KALRN: variants seen among roughly 807,000 people sequenced by gnomAD.
KALRN encodes kalirin.
In KALRN, 70 loss-of-function variants were observed where a neutral mutation model predicts 353.7. The ratio of observed to expected loss-of-function variants is 0.20; its 90% CI spans 0.16 to 0.24. The LOEUF is 0.24. Among genes scored for constraint, KALRN ranks in the 10% least tolerant of loss-of-function variants. The probability of loss-of-function intolerance (pLI) is 1.00; values close to 1 mark genes in which losing one functional copy is unlikely to be tolerated. For missense variants in KALRN, 2,791 were observed against 3,756.7 expected (o/e 0.74, Z 6.72); for synonymous variants, 1,391 against 1,434.8 (o/e 0.97, Z 0.69).
intron 34 of KALRN, among the ~76,000 whole-genome samples, chr3:124,594,513 C>T (rs977900841): frequency 3.2e-4 from 49 of 152,184 alleles, no homozygotes; most frequent in African/African-American, 1.0e-3. Context: ...TGTGAGCCAC[C>T]GCGCCCAGCC....
At chr3:124,090,072 T>C (rs1284677478) in intron 1 of KALRN, among the ~76,000 whole-genome samples, 1 of 151,900 alleles carries the variant, frequency 6.6e-6, no homozygotes, top group African/African-American at 2.4e-5. Flanking sequence ...CTTTATAAGG[T>C]CCTGAAGGAG....
chr3:124,227,663 G>GTTTTTTTTTTT lies in KALRN; in HGVS notation c.74-295_74-285dup, dbSNP rs747087120. 7.2e-4 allele frequency among the ~76,000 whole-genome samples: 50 copies of GTTTTTTTTTTT among 69,258 alleles called. 9 individuals carry two copies. The highest frequency in any genetic ancestry group is 9.2e-4 in the African/African-American group (18 of 19,498). 45.4% of individuals were successfully genotyped at this position (69,258 alleles called of 152,430 possible). A position where few individuals can be genotyped will look rare whatever the true frequency, so the allele number is the denominator to read the frequency against. ...CAAGTTGCTCAATAGCAACAGGGCT[G>GTTTTTTTTTTT]TTTTTTTTTTTTTTTTTTTTTTTTT... On this transcript the variant is annotated intron_variant, in intron 1 of 59. Transcript: ENST00000682506.
chr3:124,039,358 T>C (rs2039728348), intron 1 of KALRN, among the ~76,000 whole-genome samples: 2 of 152,236 alleles, frequency 1.3e-5, no homozygotes, highest in Non-Finnish European at 2.9e-5. Context: ...TAGTATTGTA[T>C]TGTTATTTAG....
intron 57 of KALRN, among the ~76,000 whole-genome samples, chr3:124,709,346 T>C (rs144925401): frequency 3.1e-3 from 476 of 152,328 alleles, no homozygotes; most frequent in Non-Finnish European, 5.7e-3. Context: ...GGCACAATCT[T>C]GGCTCACTGC....
chr3:124,536,279 G>C (rs1250685018), intron 33 of KALRN, among the ~76,000 whole-genome samples: 1 of 139,094 alleles, frequency 7.2e-6, no homozygotes, highest in East Asian at 2.1e-4. Flanking sequence ...TCAGCTCACT[G>C]CAACCTCTGC....
At chr3:124,486,993 A>G (rs1412444584) in intron 28 of KALRN, among the ~76,000 whole-genome samples, 1 of 152,190 alleles carries the variant, frequency 6.6e-6, no homozygotes, top group African/African-American at 2.4e-5. Context: ...GCTAGCAAGT[A>G]CCATTAGGTT....
intron 1 of KALRN, among the ~76,000 whole-genome samples, chr3:124,172,970 G>A (rs1046715330): frequency 6.6e-6 from 1 of 152,158 alleles, no homozygotes; most frequent in Non-Finnish European, 1.5e-5. Flanking sequence ...CAGAGCTGCT[G>A]CAATCAGCCT....
At chr3:124,161,568 C>A (rs1440318838) in intron 1 of KALRN, among the ~76,000 whole-genome samples, 2 of 152,220 alleles carry the variant, frequency 1.3e-5, no homozygotes, top group African/African-American at 4.8e-5. Flanking sequence ...AGATTTGCAT[C>A]TATAGTACAG....
intron 1 of KALRN, among the ~76,000 whole-genome samples, chr3:124,122,739 C>G (rs993951750): frequency 6.6e-6 from 1 of 152,148 alleles, no homozygotes; most frequent in Admixed American, 6.5e-5. Flanking sequence ...TCTCATCTCT[C>G]CCTCTCTTCT....
intron 37 of KALRN, among the ~76,000 whole-genome samples, chr3:124,646,903 T>C (rs943657214): frequency 1.3e-5 from 2 of 152,140 alleles, no homozygotes; most frequent in African/African-American, 4.8e-5. Context: ...GTTCTGTTTC[T>C]CTTTACTATC....
chr3:124,715,619 T>G (rs2063100847), intron 58 of KALRN, among the ~76,000 whole-genome samples: 1 of 152,190 alleles, frequency 6.6e-6, no homozygotes, highest in African/African-American at 2.4e-5. Flanking sequence ...GGTTCTAGCC[T>G]TTGCTCCTGT....
Position 124,347,211 on chromosome 3 carries a change from A to C in KALRN, c.1716A>C (p.Leu572=). ...LSKHTGVGKS[L]HRARALQKRH... is the part of the protein sequence containing the mutation. ...AACACACTGGAGTTGGGAAGTCCCT[A>C]CATCGAGCCCGGGCCCTGCAGAAGA... is the stretch of plus-strand genomic sequence containing the variant. The change falls in exon 10 of 60, where the codon CTA becomes CTC. Residue 572 remains leucine, a synonymous_variant. Transcript: ENST00000682506. 6.2e-7 allele frequency: 1 copy of C among 1,613,464 alleles called. No individual in the cohort carries two copies. The highest frequency in any genetic ancestry group is 1.7e-5 in the Admixed American group (1 of 59,938).
At chr3:124,263,004 CATAAG>C (rs1319297872) in intron 3 of KALRN, among the ~76,000 whole-genome samples, 6 of 149,876 alleles carry the variant, frequency 4.0e-5, no homozygotes, top group African/African-American at 1.5e-4. Flanking sequence ...GCTTTAAAAA[CATAAG>C]AGAAGGAAAG....
At chr3:124,140,585 C>A (rs1191191245) in intron 1 of KALRN, among the ~76,000 whole-genome samples, 1 of 152,178 alleles carries the variant, frequency 6.6e-6, no homozygotes, top group African/African-American at 2.4e-5. Context: ...GATTCCCTGC[C>A]CATGGCAAAG....
At chr3:124,110,355 GATATATA>G in intron 1 of KALRN, among the ~76,000 whole-genome samples, 1 of 63,430 alleles carries the variant, frequency 1.6e-5, no homozygotes, top group South Asian at 6.8e-4. Context: ...ATCATACTTT[GATATATA>G]TATGACATAT....
chr3:124,531,678 C>G (rs1170162307), intron 33 of KALRN, among the ~76,000 whole-genome samples: 1 of 152,156 alleles, frequency 6.6e-6, no homozygotes, highest in Non-Finnish European at 1.5e-5. Flanking sequence ...ACAACCAAAT[C>G]TCACAAAACT....
At chr3:124,195,533 C>T (rs900146211) in intron 1 of KALRN, among the ~76,000 whole-genome samples, 4 of 152,102 alleles carry the variant, frequency 2.6e-5, no homozygotes, top group Admixed American at 6.5e-5. Context: ...AAATCTTTTT[C>T]CCCTCCTCCT....
chr3:124,646,992 A>G (rs2150055396), intron 37 of KALRN, among the ~76,000 whole-genome samples: 1 of 152,284 alleles, frequency 6.6e-6, no homozygotes, highest in South Asian at 2.1e-4. Flanking sequence ...AAATCAAAAC[A>G]TGCTATTTCC....
chr3:124,702,167 C>T (rs756791144), intron 57 of KALRN, 51 bp downstream of exon 57: 4 of 1,097,686 alleles, frequency 3.6e-6, no homozygotes, highest in Non-Finnish European at 5.5e-6. Flanking sequence ...AGCAACATCA[C>T]ATCAGAACAG....
Sources: gnomAD v4.1 joint callset for allele counts (sites outside exome capture counted in the v4.1 genomes callset) on GRCh38, gnomAD v4.1.1 for gene constraint, MANE v1.5 for transcripts, NCBI Gene and HGNC (gene_info 2026-07-23, HGNC 2026-07-21) for gene names.